The following HS6ST3 variants were observed in gnomAD, a reference collection of about 807,000 sequenced individuals.
The protein encoded by HS6ST3 is heparan-sulfate 6-O-sulfotransferase 3.
A neutral mutation model predicts 36.7 loss-of-function variants in HS6ST3; 12 were observed. The ratio of observed to expected loss-of-function variants is 0.33; its 90% CI spans 0.21 to 0.53. The LOEUF is 0.53. HS6ST3 is among the 20% of genes least tolerant of loss of function. The pLI, the probability that HS6ST3 is intolerant of heterozygous loss-of-function variation, is 0.95. For missense variants in HS6ST3, 584 were observed against 640.9 expected (o/e 0.91, Z 0.96); for synonymous variants, 240 against 257.5 (o/e 0.93, Z 0.65).
At chr13:96,407,923 T>C (rs1002344332) in intron 1 of HS6ST3, among the ~76,000 whole-genome samples, 1 of 152,144 alleles carries the variant, frequency 6.6e-6, no homozygotes, top group Non-Finnish European at 1.5e-5. Flanking sequence ...ATATTGATAA[T>C]ATTCAGGATT....
chr13:96,134,972 G>A (rs1031641896), intron 1 of HS6ST3, among the ~76,000 whole-genome samples: 1 of 152,158 alleles, frequency 6.6e-6, no homozygotes, highest in African/African-American at 2.4e-5. Context: ...CATCCATTCT[G>A]TCTGACACAG....
At chr13:96,617,618 A>G (rs1283221114) in intron 1 of HS6ST3, among the ~76,000 whole-genome samples, 1 of 152,224 alleles carries the variant, frequency 6.6e-6, no homozygotes, top group East Asian at 1.9e-4. Context: ...CCTGAAATAT[A>G]CTTACTGTGG....
chr13:96,429,074 A>G (rs924578797), intron 1 of HS6ST3, among the ~76,000 whole-genome samples: 1 of 152,222 alleles, frequency 6.6e-6, no homozygotes. Flanking sequence ...GAAACATTGA[A>G]AAGGGCTTAT....
At chr13:96,331,171 C>T (rs1202396111) in intron 1 of HS6ST3, among the ~76,000 whole-genome samples, 1 of 152,216 alleles carries the variant, frequency 6.6e-6, no homozygotes, top group African/African-American at 2.4e-5. Flanking sequence ...CTGAAGCCTT[C>T]TCTCAGCTCG....
At chr13:96,155,698 A>G (rs936087956) in intron 1 of HS6ST3, among the ~76,000 whole-genome samples, 3 of 152,212 alleles carry the variant, frequency 2.0e-5, no homozygotes, top group African/African-American at 7.2e-5. Flanking sequence ...CATGGCCAAC[A>G]ACTTAAGCAA....
chr13:96,775,618 G>A (rs1260050270), intron 1 of HS6ST3, among the ~76,000 whole-genome samples: 1 of 151,804 alleles, frequency 6.6e-6, no homozygotes, highest in Admixed American at 6.6e-5. Flanking sequence ...TAATGGTAAG[G>A]GATCAATACA....
intron 1 of HS6ST3, among the ~76,000 whole-genome samples, chr13:96,148,696 A>G (rs1237732522): frequency 6.6e-6 from 1 of 152,230 alleles, no homozygotes; most frequent in East Asian, 1.9e-4. Context: ...AAATTAGATT[A>G]TTTCTTAAAG....
chr13:96,646,134 T>C (rs754149757), intron 1 of HS6ST3, among the ~76,000 whole-genome samples: 1 of 152,024 alleles, frequency 6.6e-6, no homozygotes, highest in Non-Finnish European at 1.5e-5. Context: ...AAATAAATAA[T>C]GTCGCCATGT....
intron 1 of HS6ST3, among the ~76,000 whole-genome samples, chr13:96,409,061 C>T (rs2055494270): frequency 6.6e-6 from 1 of 152,118 alleles, no homozygotes; most frequent in Non-Finnish European, 1.5e-5. Context: ...TCTGAGTAAA[C>T]TGTAATAACC....
chr13:96,222,618 G>C (rs1188051990), intron 1 of HS6ST3, among the ~76,000 whole-genome samples: 1 of 152,204 alleles, frequency 6.6e-6, no homozygotes, highest in Non-Finnish European at 1.5e-5. Context: ...TTAGAGCATT[G>C]CTCTTTCTAT....
intron 1 of HS6ST3, among the ~76,000 whole-genome samples, chr13:96,490,464 T>G (rs542243761): frequency 6.6e-6 from 1 of 152,274 alleles, no homozygotes; most frequent in African/African-American, 2.4e-5. Flanking sequence ...TTAGGGACAT[T>G]AAAATGATTA....
At chr13:96,539,557 G>A (rs1288613715) in intron 1 of HS6ST3, among the ~76,000 whole-genome samples, 1 of 151,916 alleles carries the variant, frequency 6.6e-6, no homozygotes, top group African/African-American at 2.4e-5. Context: ...GGGTTTCATT[G>A]TATTGGCCAG....
intron 1 of HS6ST3, among the ~76,000 whole-genome samples, chr13:96,531,601 G>C (rs1204205251): frequency 6.6e-6 from 1 of 152,162 alleles, no homozygotes; most frequent in Non-Finnish European, 1.5e-5. Flanking sequence ...ACCCATTAAT[G>C]CTTTTGCAGC....
intron 1 of HS6ST3, among the ~76,000 whole-genome samples, chr13:96,170,770 T>C (rs938679001): frequency 2.6e-5 from 4 of 152,186 alleles, no homozygotes; most frequent in Non-Finnish European, 5.9e-5. Context: ...GAAATGCTAT[T>C]GGGTTGTGAA....
At chr13:96,185,058 C>A (rs1457916755) in intron 1 of HS6ST3, among the ~76,000 whole-genome samples, 1 of 152,150 alleles carries the variant, frequency 6.6e-6, no homozygotes, top group Non-Finnish European at 1.5e-5. Context: ...TGTAAAAACA[C>A]AGATCTGAAG....
At chr13:96,758,293 T>G (rs1876882962) in intron 1 of HS6ST3, among the ~76,000 whole-genome samples, 1 of 152,000 alleles carries the variant, frequency 6.6e-6, no homozygotes, top group Non-Finnish European at 1.5e-5. Flanking sequence ...CATTTATAAT[T>G]TGTGCTTTCT....
chr13:96,569,994 A>G (rs1196427152), intron 1 of HS6ST3, among the ~76,000 whole-genome samples: 1 of 152,232 alleles, frequency 6.6e-6, no homozygotes, highest in South Asian at 2.1e-4. Context: ...AGGATCCTTT[A>G]AAACTGCATC....
In HS6ST3 at chr13:96,755,869, T is replaced by C. The variant is rs145138840; in HGVS notation, c.708-76621T>C. ...CTAATACCTAGGAGTGGAACTGCAGTGTCATACAGTAGGTGAGTATTCAAC... is the reference window on the plus strand; with the variant it reads ...CTAATACCTAGGAGTGGAACTGCAGCGTCATACAGTAGGTGAGTATTCAAC... On this transcript the variant is annotated intron_variant, in intron 1 of 1. Transcript: ENST00000376705. Among the ~76,000 whole-genome samples the C allele has an allele frequency of 4.6e-5, 7 of 152,346 alleles. No individual in the cohort carries two copies. The East Asian group carries it at 1.3e-3, about 29-fold the overall frequency.
intron 1 of HS6ST3, among the ~76,000 whole-genome samples, chr13:96,476,327 A>G (rs2055863788): frequency 6.6e-6 from 1 of 152,088 alleles, no homozygotes; most frequent in African/African-American, 2.4e-5. Flanking sequence ...CCAGAGAACT[A>G]GACTTGAATG....
Sources: gnomAD v4.1 joint callset for allele counts (sites outside exome capture counted in the v4.1 genomes callset) on GRCh38, gnomAD v4.1.1 for gene constraint, MANE v1.5 for transcripts, NCBI Gene and HGNC (gene_info 2026-07-23, HGNC 2026-07-21) for gene names.